Variants in SHPRH observed in about 807,000 individuals in gnomAD.
SHPRH encodes the protein E3 ubiquitin-protein ligase SHPRH.
A neutral mutation model predicts 202.5 loss-of-function variants in SHPRH; 106 were observed. The observed-to-expected ratio is 0.52, with a 90% confidence interval of 0.45 to 0.62. The LOEUF is 0.62. Ranked by LOEUF, SHPRH falls within the 20% of genes least tolerant of loss-of-function variation. The probability of loss-of-function intolerance (pLI) is 0.00; values close to 1 mark genes in which losing one functional copy is unlikely to be tolerated. For synonymous variants in SHPRH, 729 were observed against 686.0 expected (o/e 1.06, Z -0.98); for missense variants, 1,710 against 2,020.0 (o/e 0.85, Z 2.94).
chr6:145,868,961 C>A (rs1779928901), intron 2 of SHPRH, among the ~76,000 whole-genome samples: 2 of 152,118 alleles, frequency 1.3e-5, no homozygotes, highest in Admixed American at 1.3e-4. Flanking sequence ...TGTTTAGTTT[C>A]ATAAGAAACT....
intron 2 of SHPRH, among the ~76,000 whole-genome samples, chr6:145,873,709 A>AGGGAGGG (rs1780162953): frequency 7.9e-6 from 1 of 125,860 alleles, no homozygotes; most frequent in African/African-American, 3.2e-5. Flanking sequence ...GGAAGGAAGG[A>AGGGAGGG]AGGAAGGGAG....
rs147722195 is a variant in SHPRH at position 145,955,121 on chromosome 6, T to G, written c.202A>C (p.Arg68=). The G allele has an allele frequency of 9.9e-6, 16 of 1,613,708 alleles. No homozygotes were observed. The highest frequency in any genetic ancestry group is 1.6e-4 in the Middle Eastern group (1 of 6,062). The part of the protein sequence containing the change: ...SDSLKEEVAH[R]DKKRCSKVVS... ...ACTTTTGAACACCTCTTCTTATCTCTGTGAGCCACTTCTTCCTTTAGACTA... is the reference window on the plus strand; with the variant it reads ...ACTTTTGAACACCTCTTCTTATCTCGGTGAGCCACTTCTTCCTTTAGACTA... Residue 68 remains arginine (R), a synonymous_variant, in exon 2 of 30, where the codon AGA becomes CGA. Coordinates refer to ENST00000275233, the MANE Select transcript of SHPRH (RefSeq NM_001042683.3).
intron 5 of SHPRH, among the ~76,000 whole-genome samples, 153 bp from the exon 6 acceptor site, chr6:145,947,796 T>G (rs1268716550): frequency 6.6e-6 from 1 of 152,044 alleles, no homozygotes; most frequent in Non-Finnish European, 1.5e-5. Context: ...AACCTTAGAT[T>G]ACAAACATTA....
At chr6:145,960,816 T>A (rs1268011638) in intron 1 of SHPRH, among the ~76,000 whole-genome samples, 1 of 152,120 alleles carries the variant, frequency 6.6e-6, no homozygotes. Context: ...TTCCCAACCT[T>A]TTTGGTACCA....
At position 145,886,462 on chromosome 6, in the gene SHPRH, T is replaced by C. The variant is rs745679086; in HGVS notation, c.*229A>G. The C allele has an allele frequency of 2.3e-6, 2 of 852,924 alleles. No individual in the cohort carries two copies. The highest frequency in any genetic ancestry group is 2.8e-5 in the South Asian group (2 of 71,608). 52.8% of individuals were successfully genotyped at this position (852,924 alleles called of 1,614,324 possible). On this transcript the variant is annotated 3_prime_UTR_variant, in exon 30 of 30. Coordinates refer to ENST00000275233, the MANE Select transcript of SHPRH (RefSeq NM_001042683.3). Reference sequence around the variant, plus strand: ...GATACTATTTGGGACAAAAAATAAATGTTTTATTAGGAGTGTAAAATTAAG... The same window carrying C: ...GATACTATTTGGGACAAAAAATAAACGTTTTATTAGGAGTGTAAAATTAAG...
intron 21 of SHPRH, 38 bp downstream of exon 21, chr6:145,921,129 A>G: frequency 6.5e-7 from 1 of 1,550,106 alleles, no homozygotes; most frequent in East Asian, 2.3e-5. Context: ...AAAAAAGAAG[A>G]ATTTTTAATT....
At chr6:145,932,904 A>T in intron 14 of SHPRH, 153 bp downstream of exon 14, 1 of 799,734 alleles carries the variant, frequency 1.3e-6, no homozygotes, top group Non-Finnish European at 1.8e-6. Context: ...GCTCTATATT[A>T]AGTTGAACCT....
rs763372492 is a variant in SHPRH, at chr6:145,955,346, C to T, written c.-24G>A. 2.5e-6 allele frequency: 4 copies of T among 1,579,198 alleles called. No individual in the cohort carries two copies. The African/African-American group carries it at 5.4e-5, about 21-fold the overall frequency. On this transcript the variant is annotated 5_prime_UTR_variant, in exon 2 of 30. Transcript: ENST00000275233. ...ATTTTCAAGTTTTCTTGGCTGGTAA[C>T]TGTGAACTCTAGAGGACAAATGAAA...
intron 2 of SHPRH, among the ~76,000 whole-genome samples, chr6:145,954,407 T>G (rs1429702998): frequency 1.3e-5 from 2 of 151,948 alleles, no homozygotes; most frequent in South Asian, 2.1e-4. Flanking sequence ...AAAGGCAAAA[T>G]AGCAAACAGA....
downstream of SHPRH, among the ~76,000 whole-genome samples, chr6:145,880,217 G>A (rs568365623): frequency 3.9e-5 from 6 of 152,126 alleles, no homozygotes; most frequent in South Asian, 1.2e-3. Flanking sequence ...CCTAAATTAG[G>A]TGCTTTATCT....
chr6:145,892,680 T>C (rs770460647), intron 28 of SHPRH, among the ~76,000 whole-genome samples: 2 of 152,170 alleles, frequency 1.3e-5, no homozygotes, highest in Admixed American at 6.6e-5. Context: ...ACATGCCATA[T>C]AATAATATTC....
intron 25 of SHPRH, chr6:145,908,960 C>T (rs952011303): frequency 6.6e-6 from 1 of 152,076 alleles, no homozygotes; most frequent in Non-Finnish European, 1.5e-5. Context: ...TTTCAGTTTT[C>T]TGCATATGGC....
At chr6:145,868,588 G>A (rs1375251384) in intron 2 of SHPRH, among the ~76,000 whole-genome samples, 4 of 152,164 alleles carry the variant, frequency 2.6e-5, no homozygotes, top group Non-Finnish European at 2.9e-5. Flanking sequence ...CAGTGTTAAG[G>A]TACGACACAG....
At chr6:145,890,571 T>C (rs1342305574) in intron 28 of SHPRH, among the ~76,000 whole-genome samples, 1 of 152,190 alleles carries the variant, frequency 6.6e-6, no homozygotes, top group Non-Finnish European at 1.5e-5. Context: ...TGCTGCTTCC[T>C]TCTCCTCTCC....
At chr6:145,910,772 G>A in intron 24 of SHPRH, 136 bp from the exon 25 acceptor site, 3 of 825,284 alleles carry the variant, frequency 3.6e-6, no homozygotes, top group Non-Finnish European at 5.2e-6. Flanking sequence ...GCCAAGTTGT[G>A]CCTTCAAATT....
At chr6:145,927,354 TAAG>T in intron 14 of SHPRH, 77 bp from the exon 15 acceptor site, 1 of 1,228,472 alleles carries the variant, frequency 8.1e-7, no homozygotes, top group Non-Finnish European at 1.2e-6. Context: ...GTCCATTATT[TAAG>T]AATACTGTAA....
intron 25 of SHPRH, among the ~76,000 whole-genome samples, chr6:145,896,564 T>C (rs1199600627): frequency 6.6e-6 from 1 of 152,042 alleles, no homozygotes; most frequent in Non-Finnish European, 1.5e-5. Context: ...GCCAGTTCAG[T>C]GGTAGTGCTC....
chr6:145,905,735 C>CA (rs1194667716), intron 25 of SHPRH: 1 of 151,996 alleles, frequency 6.6e-6, no homozygotes, highest in South Asian at 2.1e-4. Flanking sequence ...GCTATATCCA[C>CA]AGATACACAG....
chr6:145,872,299 G>T (rs1334993830), intron 2 of SHPRH, among the ~76,000 whole-genome samples: 1 of 152,032 alleles, frequency 6.6e-6, no homozygotes, highest in Non-Finnish European at 1.5e-5. Flanking sequence ...CTATGTATCT[G>T]ACAAAGCCCT....
Sources: gnomAD v4.1 joint callset for allele counts (sites outside exome capture counted in the v4.1 genomes callset) on GRCh38, gnomAD v4.1.1 for gene constraint, MANE v1.5 for transcripts, NCBI Gene and HGNC (gene_info 2026-07-23, HGNC 2026-07-21) for gene names.